The following UST variants were observed in gnomAD, a reference collection of about 807,000 sequenced individuals.
The protein encoded by UST is chondroitin sulfate 2-O-sulfotransferase.
In UST, 21 loss-of-function variants were observed where a neutral mutation model predicts 45.6. The ratio of observed to expected loss-of-function variants is 0.46; its 90% CI spans 0.33 to 0.66. UST has a LOEUF of 0.66. UST is among the 30% of genes least tolerant of loss of function. The pLI is 0.02. For synonymous variants in UST, 215 were observed against 200.6 expected (o/e 1.07, Z -0.61); for missense variants, 463 against 512.4 (o/e 0.90, Z 0.93).
intron 7 of UST, 66 bp downstream of exon 7, chr6:149,021,547 A>G: frequency 6.4e-7 from 1 of 1,559,002 alleles, no homozygotes; most frequent in Non-Finnish European, 8.8e-7. Context: ...TCACCTTGAA[A>G]AGGCCTCAGG....
intron 7 of UST, among the ~76,000 whole-genome samples, chr6:149,042,993 TTCTTTCTTTCTTTCTTTCTTTC>T (rs1464931508): frequency 4.3e-5 from 5 of 117,636 alleles, no homozygotes; most frequent in African/African-American, 2.0e-4. Context: ...CTTTCTTTCT[TTCTTTCTTTCTTTCTTTCTTTC>T]TTTCTTTTTC....
chr6:148,879,352 A>C (rs1385640607), intron 1 of UST, among the ~76,000 whole-genome samples: 1 of 152,232 alleles, frequency 6.6e-6, no homozygotes, highest in Non-Finnish European at 1.5e-5. Context: ...CCTGAGATGA[A>C]GATGAGCCTC....
intron 7 of UST, among the ~76,000 whole-genome samples, chr6:149,025,914 C>T (rs1371968400): frequency 6.6e-6 from 1 of 151,910 alleles, no homozygotes; most frequent in East Asian, 1.9e-4. Context: ...TTTGGGAGGC[C>T]AAGGTGGGTG....
At chr6:148,875,325 A>C (rs1291119711) in intron 1 of UST, among the ~76,000 whole-genome samples, 1 of 152,248 alleles carries the variant, frequency 6.6e-6, no homozygotes, top group African/African-American at 2.4e-5. Flanking sequence ...CATATTGTTA[A>C]GTGTAGTTCA....
At position 148,955,368 on chromosome 6, in the gene UST, C is replaced by A. The variant is rs900666881; in HGVS notation, c.527+1417C>A. On this transcript the variant is annotated intron_variant, in intron 4 of 7. Transcript: ENST00000367463. ...CAAGTTAAGTGCAAAGAATGAGATT[C>A]AGTAAAGCAAGTTATTAAGCAGAGA... Among the ~76,000 whole-genome samples, 4 of 152,226 alleles carry A rather than the reference C, an allele frequency of 2.6e-5. No homozygotes were observed. The East Asian group carries it at 7.7e-4, about 29-fold the overall frequency.
chr6:148,975,302 T>C (rs923400912), intron 5 of UST, among the ~76,000 whole-genome samples: 4 of 152,244 alleles, frequency 2.6e-5, no homozygotes, highest in Non-Finnish European at 5.9e-5. Flanking sequence ...AACTTGATAA[T>C]AGAATATCAT....
At chr6:148,982,220 C>T (rs1781150576) in intron 5 of UST, among the ~76,000 whole-genome samples, 4 of 152,038 alleles carry the variant, frequency 2.6e-5, no homozygotes, top group Admixed American at 2.6e-4. Context: ...TGCCTCAGCC[C>T]TCCAAGTAGG....
rs1780744646 is a variant in UST, at chr6:148,964,656, C to T, written c.681+93C>T. The T allele has an allele frequency of 4.0e-6, 6 of 1,515,212 alleles. No homozygotes were observed. The East Asian group carries it at 1.2e-4, about 29-fold the overall frequency. The allele number at this position is 1,515,212 out of a possible 1,614,324, so 93.9% of individuals were successfully genotyped here. ...GTTCACTCTTCCCTTCCCAGGCCTTCTCCTTGGCGCCTCCATGGAGCGTGG... is the reference window on the plus strand; with the variant it reads ...GTTCACTCTTCCCTTCCCAGGCCTTTTCCTTGGCGCCTCCATGGAGCGTGG... On this transcript the variant is annotated intron_variant, in intron 5 of 7. Coordinates refer to ENST00000367463, the MANE Select transcript of UST (RefSeq NM_005715.3).
At chr6:148,888,726 C>T (rs918496582) in intron 2 of UST, among the ~76,000 whole-genome samples, 3 of 152,156 alleles carry the variant, frequency 2.0e-5, no homozygotes, top group Admixed American at 6.5e-5. Context: ...TTATCACAGT[C>T]GTGGAATGGT....
chr6:148,974,663 T>A (rs1395982302), intron 5 of UST, among the ~76,000 whole-genome samples: 2 of 152,190 alleles, frequency 1.3e-5, no homozygotes, highest in Non-Finnish European at 2.9e-5. Flanking sequence ...CACAGTTGAA[T>A]GAAAGAATTT....
chr6:148,960,705 C>G (rs758586295), intron 4 of UST, among the ~76,000 whole-genome samples: 6 of 152,116 alleles, frequency 3.9e-5, no homozygotes, highest in Non-Finnish European at 5.9e-5. Flanking sequence ...ATGAAAAGGG[C>G]AAATATATAC....
intron 5 of UST, among the ~76,000 whole-genome samples, chr6:148,995,446 C>T (rs1582949832): frequency 6.6e-6 from 1 of 152,024 alleles, no homozygotes; most frequent in Non-Finnish European, 1.5e-5. Flanking sequence ...GATGGCTAAG[C>T]CAGGGTTTTC....
chr6:148,795,600 T>TA (rs964037982), intron 1 of UST, among the ~76,000 whole-genome samples: 66 of 152,176 alleles, frequency 4.3e-4, no homozygotes, highest in African/African-American at 1.2e-3. Flanking sequence ...CAGGGACTTT[T>TA]AAAAAAACCC....
intron 1 of UST, among the ~76,000 whole-genome samples, chr6:148,810,702 A>G (rs1777240493): frequency 6.6e-6 from 1 of 152,192 alleles, no homozygotes; most frequent in South Asian, 2.1e-4. Flanking sequence ...TAAAACTATA[A>G]TACAAGGTGT....
intron 7 of UST, among the ~76,000 whole-genome samples, chr6:149,029,454 TACATTATA>T: frequency 7.5e-6 from 1 of 133,878 alleles, no homozygotes; most frequent in East Asian, 2.1e-4. Flanking sequence ...ATATTATATA[TACATTATA>T]TATTATATAT....
chr6:148,830,636 G>A (rs1777665388), intron 1 of UST, among the ~76,000 whole-genome samples: 1 of 152,184 alleles, frequency 6.6e-6, no homozygotes, highest in South Asian at 2.1e-4. Context: ...ATTACTTGGG[G>A]ACTGTCAAGT....
chr6:148,830,450 AG>A (rs1340258454), intron 1 of UST, among the ~76,000 whole-genome samples: 1 of 152,186 alleles, frequency 6.6e-6, no homozygotes. Context: ...CAGCAGCCCC[AG>A]GGTCTTGCCG....
chr6:148,807,811 A>T (rs533418154), intron 1 of UST, among the ~76,000 whole-genome samples: 2 of 152,312 alleles, frequency 1.3e-5, no homozygotes, highest in Admixed American at 6.5e-5. Context: ...ATCACCCTGG[A>T]TGCTTGTGAT....
intron 6 of UST, among the ~76,000 whole-genome samples, chr6:149,020,087 G>T (rs1204282389): frequency 6.6e-6 from 1 of 152,190 alleles, no homozygotes; most frequent in Non-Finnish European, 1.5e-5. Context: ...TTGTGTTTCT[G>T]AAAAGGCCAA....
Sources: gnomAD v4.1 joint callset for allele counts (sites outside exome capture counted in the v4.1 genomes callset) on GRCh38, gnomAD v4.1.1 for gene constraint, MANE v1.5 for transcripts, NCBI Gene and HGNC (gene_info 2026-07-23, HGNC 2026-07-21) for gene names.